The following WWOX variants were observed in gnomAD, a reference collection of about 807,000 sequenced individuals.
The protein encoded by WWOX is WW domain containing oxidoreductase, also known as WW domain-containing oxidoreductase.
WWOX carries 69 observed loss-of-function variants against 46.2 expected under a neutral mutation model. The ratio of observed to expected loss-of-function variants is 1.49; its 90% CI spans 1.23 to 1.82. The LOEUF (loss-of-function observed/expected upper bound fraction) is 1.82, where lower values mean the gene tolerates loss of function less well. Ranked by LOEUF, WWOX falls within the 40% of genes most tolerant of loss-of-function variation. WWOX has a pLI of 0.00. For synonymous variants in WWOX, 359 were observed against 202.6 expected (o/e 1.77, Z -6.56); for missense variants, 919 against 542.6 (o/e 1.69, Z -6.89).
chr16:78,829,995 C>T (rs1015774371), intron 8 of WWOX, among the ~76,000 whole-genome samples: 2 of 152,244 alleles, frequency 1.3e-5, no homozygotes, highest in African/African-American at 2.4e-5. Context: ...CAGTGGCTCA[C>T]ACCTGTAAGC....
chr16:78,743,296 C>T (rs1279241239), intron 8 of WWOX, among the ~76,000 whole-genome samples: 1 of 152,046 alleles, frequency 6.6e-6, no homozygotes, highest in Non-Finnish European at 1.5e-5. Context: ...GACCAGTATT[C>T]CCTCATTTGC....
rs918965379 is a variant in WWOX at position 78,338,996 on chromosome 16, C to G, written c.517-47864C>G. Among the ~76,000 whole-genome samples, 5 of 119,950 alleles carry G rather than the reference C, an allele frequency of 4.2e-5. 1 individual carries two copies. The highest frequency in any genetic ancestry group is 7.9e-5 in the Non-Finnish European group (4 of 50,318). The allele number at this position is 119,950 out of a possible 152,430, so 78.7% of individuals were successfully genotyped here. ...GTAGCTTTAAGTAATTGCATGTAAA[C>G]TGTTACTTCTTCATTTTCTAGTCTT... is the stretch of plus-strand genomic sequence containing the variant. On this transcript the variant is annotated intron_variant, in intron 5 of 8. Coordinates refer to ENST00000566780, the MANE Select transcript of WWOX (RefSeq NM_016373.4).
At chr16:78,275,720 C>T (rs1486361897) in intron 5 of WWOX, among the ~76,000 whole-genome samples, 1 of 152,152 alleles carries the variant, frequency 6.6e-6, no homozygotes, top group African/African-American at 2.4e-5. Flanking sequence ...GCAGATTGTC[C>T]CCATTGGTCC....
intron 8 of WWOX, among the ~76,000 whole-genome samples, chr16:78,969,382 G>A (rs1014259713): frequency 2.0e-5 from 3 of 151,780 alleles, no homozygotes; most frequent in Non-Finnish European, 2.9e-5. Context: ...GGATTCTCGT[G>A]CCTCAGCCTC....
intron 5 of WWOX, among the ~76,000 whole-genome samples, chr16:78,250,043 C>T (rs1221360916): frequency 1.3e-5 from 2 of 152,188 alleles, no homozygotes; most frequent in African/African-American, 4.8e-5. Flanking sequence ...TTACCTTCAC[C>T]TGGAGGGACA....
intron 8 of WWOX, among the ~76,000 whole-genome samples, chr16:78,757,941 A>G (rs1411644611): frequency 6.6e-6 from 1 of 152,018 alleles, no homozygotes; most frequent in African/African-American, 2.4e-5. Context: ...GGGTTTCCAA[A>G]TATGAGTTTG....
chr16:78,535,415 T>C (rs1413982489), intron 8 of WWOX: 1 of 152,168 alleles, frequency 6.6e-6, no homozygotes, highest in African/African-American at 2.4e-5. Context: ...TGGCAGCTAA[T>C]TGTAGGATTC....
intron 8 of WWOX, among the ~76,000 whole-genome samples, chr16:79,012,378 G>A (rs1045252595): frequency 1.3e-5 from 2 of 152,036 alleles, no homozygotes; most frequent in South Asian, 4.2e-4. Context: ...GATTACAGGT[G>A]TCTGCCACCA....
intron 8 of WWOX, among the ~76,000 whole-genome samples, chr16:78,935,652 T>G (rs1383395992): frequency 1.3e-5 from 2 of 151,958 alleles, no homozygotes; most frequent in Non-Finnish European, 2.9e-5. Flanking sequence ...ATATATCTAA[T>G]GTAAATGACG....
intron 5 of WWOX, among the ~76,000 whole-genome samples, chr16:78,381,264 A>C (rs2081951666): frequency 6.6e-6 from 1 of 152,238 alleles, no homozygotes; most frequent in African/African-American, 2.4e-5. Flanking sequence ...GTTGCATAAC[A>C]ACAAGAAACC....
At chr16:78,742,379 G>A (rs1192644339) in intron 8 of WWOX, among the ~76,000 whole-genome samples, 1 of 152,160 alleles carries the variant, frequency 6.6e-6, no homozygotes, top group Non-Finnish European at 1.5e-5. Context: ...CTCTGGCTCA[G>A]GTTAAGTGTT....
intron 8 of WWOX, among the ~76,000 whole-genome samples, chr16:78,877,405 C>G (rs780328867): frequency 2.3e-4 from 35 of 152,160 alleles, no homozygotes; most frequent in Non-Finnish European, 4.7e-4. Flanking sequence ...CTTTGCTGCT[C>G]CTTCTGCCTG....
chr16:78,243,527 C>G (rs1452465368), intron 5 of WWOX, among the ~76,000 whole-genome samples: 1 of 151,890 alleles, frequency 6.6e-6, no homozygotes, highest in Non-Finnish European at 1.5e-5. Context: ...CCTCTACCCT[C>G]CAGTAGGCCC....
intron 8 of WWOX, chr16:78,826,101 A>G (rs950073499): frequency 1.2e-5 from 4 of 322,382 alleles, no homozygotes; most frequent in Non-Finnish European, 2.2e-5. Context: ...AATGCCTGTA[A>G]TCCCAGCACT....
chr16:78,823,518 C>G (rs1456594222), intron 8 of WWOX, among the ~76,000 whole-genome samples: 1 of 152,204 alleles, frequency 6.6e-6, no homozygotes, highest in Non-Finnish European at 1.5e-5. Flanking sequence ...GGTCACCTGT[C>G]TGTGTAATCG....
At chr16:78,834,325 G>C (rs866526868) in intron 8 of WWOX, among the ~76,000 whole-genome samples, 34 of 152,152 alleles carry the variant, frequency 2.2e-4, no homozygotes, top group African/African-American at 6.5e-4. Flanking sequence ...ATTTAAATAA[G>C]GGGTTAATTT....
intron 8 of WWOX, among the ~76,000 whole-genome samples, chr16:78,929,684 C>T (rs934165002): frequency 3.3e-5 from 5 of 152,040 alleles, no homozygotes; most frequent in Admixed American, 3.3e-4. Flanking sequence ...CATGCTGCAG[C>T]CAGCTCAGGA....
chr16:79,095,693 C>G (rs958614513), intron 8 of WWOX, among the ~76,000 whole-genome samples: 1 of 152,058 alleles, frequency 6.6e-6, no homozygotes, highest in African/African-American at 2.4e-5. Context: ...CACATGTGTT[C>G]TGTGTGCCAG....
At chr16:78,308,428 A>C (rs1377756176) in intron 5 of WWOX, among the ~76,000 whole-genome samples, 1 of 152,188 alleles carries the variant, frequency 6.6e-6, no homozygotes, top group Non-Finnish European at 1.5e-5. Context: ...CAGCATTAGC[A>C]TTAAAACAGA....
Sources: allele counts gnomAD v4.1 joint callset (sites outside exome capture counted in the v4.1 genomes callset), GRCh38; gene constraint gnomAD v4.1.1; transcripts MANE v1.5; gene names NCBI Gene and HGNC (gene_info 2026-07-23, HGNC 2026-07-21).